The following STX8 variants were observed in gnomAD, a reference collection of about 807,000 sequenced individuals.
STX8 encodes syntaxin 8.
A neutral mutation model predicts 37.5 loss-of-function variants in STX8; 23 were observed. That is an observed-to-expected ratio of 0.61 (90% confidence interval 0.44 to 0.87). The LOEUF is 0.87. Ranked by LOEUF, STX8 falls within the 40% of genes least tolerant of loss-of-function variation. The pLI is 0.00. For missense variants in STX8, 313 were observed against 284.7 expected, an observed-to-expected ratio of 1.10 and a Z score of -0.71; for synonymous variants, 115 against 99.1, an observed-to-expected ratio of 1.16 and a Z score of -0.95.
At chr17:9,418,904 C>G (rs1398026602) in intron 6 of STX8, among the ~76,000 whole-genome samples, 32 of 45,040 alleles carry the variant, frequency 7.1e-4, no homozygotes, top group African/African-American at 4.6e-3. Flanking sequence ...TTGCCCACAC[C>G]CCCCCCTCTT....
rs377284955 is a variant in STX8, at chr17:9,380,943, GACCTCAAATGATCCACCC to G, written c.542-2308_542-2291del. ...TTGGCCAGGCTGGTCTCGAACTCCT[GACCTCAAATGATCCACCC>G]ACCTCGACCTCCCAAAGGGCTGGAA... On this transcript the variant is annotated intron_variant, in intron 6 of 7. Coordinates refer to ENST00000306357, the MANE Select transcript of STX8 (RefSeq NM_004853.3). 1.2e-3 allele frequency among the ~76,000 whole-genome samples: 175 copies of G among 151,996 alleles called. No homozygotes were observed. The Middle Eastern group carries it at 0.027, about 24-fold the overall frequency.
rs60041570 is a variant in STX8, at chr17:9,504,973, CAAA to C, written c.448+62_448+64del. The C allele has an allele frequency of 1.6e-4, 115 of 710,356 alleles. 1 individual carries two copies. Among genetic ancestry groups the C allele is most frequent in the Middle Eastern group, 1.2e-3 (2 of 1,720 alleles). The allele number at this position is 710,356 out of a possible 1,614,324, so 44.0% of individuals were successfully genotyped here. A position where few individuals can be genotyped will look rare whatever the true frequency, so the allele number is the denominator to read the frequency against. On this transcript the variant is annotated intron_variant, in intron 5 of 7. Transcript: ENST00000306357. ...TAGGCGACATAGCAAGACTCCGTCT[CAAA>C]AAAAAAAAAAAAAAAATTCTGGCAA...
chr17:9,575,661 G>A (rs986008451), intron 1 of STX8, 131 bp downstream of exon 1: 3 of 1,162,678 alleles, frequency 2.6e-6, no homozygotes, highest in Non-Finnish European at 3.7e-6. Flanking sequence ...CCTCAGTAAA[G>A]GAAAGGTCTC....
chr17:9,421,486 A>G (rs2142351747), intron 6 of STX8, among the ~76,000 whole-genome samples: 1 of 150,956 alleles, frequency 6.6e-6, no homozygotes, highest in Middle Eastern at 3.4e-3. Flanking sequence ...AAGGTTTATA[A>G]TACAATGTAG....
At chr17:9,311,885 T>C (rs1437021191) in intron 7 of STX8, among the ~76,000 whole-genome samples, 1 of 152,196 alleles carries the variant, frequency 6.6e-6, no homozygotes, top group Non-Finnish European at 1.5e-5. Flanking sequence ...TCTTGCTCTG[T>C]TGCCCAGGCT....
intron 5 of STX8, among the ~76,000 whole-genome samples, chr17:9,497,304 T>C (rs62066194): frequency 0.18 from 26,672 of 152,194 alleles, 2,514 homozygotes; most frequent in South Asian, 0.24. Context: ...GAAACTTGAA[T>C]GCTGAGTATT....
chr17:9,414,111 C>T lies in STX8; in HGVS notation c.542-35458G>A, dbSNP rs1420718808. Among the ~76,000 whole-genome samples the T allele has an allele frequency of 2.7e-4, 19 of 70,692 alleles. 1 individual carries two copies. The highest frequency in any genetic ancestry group is 8.1e-4 in the African/African-American group (16 of 19,666). 46.4% of individuals were successfully genotyped at this position (70,692 alleles called of 152,430 possible). ...CCATCCATCCATCCATCCATCCATC[C>T]ATCCATCCATCCATCCAACCATCCA... is the stretch of plus-strand genomic sequence containing the variant. On this transcript the variant is annotated intron_variant, in intron 6 of 7. Coordinates refer to ENST00000306357, the MANE Select transcript of STX8 (RefSeq NM_004853.3).
At chr17:9,556,901 A>T (rs1466419574) in intron 3 of STX8, 1 of 151,602 alleles carries the variant, frequency 6.6e-6, no homozygotes, top group Non-Finnish European at 1.5e-5. Context: ...TCACACTCCC[A>T]TACTAGAGGC....
At chr17:9,569,707 G>A (rs1473523181) in intron 1 of STX8, 2 of 152,102 alleles carry the variant, frequency 1.3e-5, no homozygotes, top group Non-Finnish European at 2.9e-5. Context: ...CAGCACTTTG[G>A]GAGGCCGAGG....
At chr17:9,362,133 T>C (rs1482040403) in intron 7 of STX8, among the ~76,000 whole-genome samples, 1 of 152,126 alleles carries the variant, frequency 6.6e-6, no homozygotes, top group Non-Finnish European at 1.5e-5. Context: ...GAGTTCAAGA[T>C]CAGCCTGGCC....
At chr17:9,341,732 C>T (rs551179319) in intron 7 of STX8, among the ~76,000 whole-genome samples, 7 of 152,272 alleles carry the variant, frequency 4.6e-5, no homozygotes, top group Non-Finnish European at 7.4e-5. Flanking sequence ...CCACCGCGCC[C>T]GGCCAAGACA....
At chr17:9,452,069 T>C (rs1905059036) in intron 6 of STX8, 1 of 152,200 alleles carries the variant, frequency 6.6e-6, no homozygotes, top group Admixed American at 6.5e-5. Flanking sequence ...TACATTCCAA[T>C]GACAATTTCA....
chr17:9,573,063 C>T (rs118188896), intron 1 of STX8, among the ~76,000 whole-genome samples: 5,301 of 143,656 alleles, frequency 0.037, 163 homozygotes, highest in East Asian at 0.11. Context: ...AAATAAAATT[C>T]TAAGCCCACC....
chr17:9,509,205 C>A (rs940471824), intron 4 of STX8, among the ~76,000 whole-genome samples: 1 of 152,048 alleles, frequency 6.6e-6, no homozygotes, highest in African/African-American at 2.4e-5. Context: ...GCTGAGACCA[C>A]GCTACTGCAC....
intron 7 of STX8, among the ~76,000 whole-genome samples, chr17:9,301,216 T>G (rs776505777): frequency 6.6e-6 from 1 of 152,146 alleles, no homozygotes. Context: ...TAGTTATTAT[T>G]TAGCATGATA....
At chr17:9,396,333 G>T (rs1010331274) in intron 6 of STX8, among the ~76,000 whole-genome samples, 22 of 150,026 alleles carry the variant, frequency 1.5e-4, no homozygotes, top group Non-Finnish European at 2.8e-4. Context: ...GGGAGAAAGG[G>T]GGGAGTGATA....
intron 7 of STX8, among the ~76,000 whole-genome samples, chr17:9,361,311 A>G (rs1911054882): frequency 6.6e-6 from 1 of 152,242 alleles, no homozygotes; most frequent in African/African-American, 2.4e-5. Flanking sequence ...AGAATTATCT[A>G]TTTATTTTCT....
intron 7 of STX8, among the ~76,000 whole-genome samples, chr17:9,313,511 A>T (rs1320984197): frequency 1.3e-5 from 2 of 152,264 alleles, no homozygotes; most frequent in East Asian, 3.8e-4. Flanking sequence ...TACAGAGAAC[A>T]GTAGGAACTA....
chr17:9,536,747 A>ATT lies in STX8; in HGVS notation c.323+8423_323+8424dup, dbSNP rs140609634. 8.8e-3 allele frequency among the ~76,000 whole-genome samples: 1,278 copies of ATT among 145,340 alleles called. 15 individuals are homozygous for ATT. Among genetic ancestry groups the ATT allele is most frequent in the African/African-American group, 0.027 (1,064 of 39,606 alleles). ...ACTCTGCAAGAATGGGCTTATTATT[A>ATT]TTTTTTTTTTTTTGAGATGGGGTTT... On this transcript the variant is annotated intron_variant, in intron 4 of 7. Coordinates refer to ENST00000306357, the MANE Select transcript of STX8 (RefSeq NM_004853.3).
Sources: gnomAD v4.1 joint callset for allele counts (sites outside exome capture counted in the v4.1 genomes callset) on GRCh38, gnomAD v4.1.1 for gene constraint, MANE v1.5 for transcripts, NCBI Gene and HGNC (gene_info 2026-07-23, HGNC 2026-07-21) for gene names.